MYO3B: variants seen among roughly 807,000 people sequenced by gnomAD.
MYO3B encodes the protein myosin-IIIb.
Under a neutral mutation model 174.6 loss-of-function variants are expected in MYO3B, and 156 were observed. The ratio of observed to expected loss-of-function variants is 0.89; its 90% confidence interval spans 0.78 to 1.02. MYO3B has a LOEUF of 1.02. Among genes scored for constraint, MYO3B ranks in the 50% least tolerant of loss-of-function variants. The pLI is 0.00. For synonymous variants in MYO3B, 563 were observed against 569.1 expected, an observed-to-expected ratio of 0.99 and a Z score of 0.15; for missense variants, 1,632 against 1,639.4, an observed-to-expected ratio of 1.00 and a Z score of 0.08.
intron 7 of MYO3B, among the ~76,000 whole-genome samples, chr2:170,259,785 C>A (rs114941621): frequency 6.6e-6 from 1 of 152,096 alleles, no homozygotes; most frequent in South Asian, 2.1e-4. Flanking sequence ...GGATAACTTA[C>A]AGAATGGGAG....
chr2:170,579,432 T>C (rs1692991218), intron 32 of MYO3B, among the ~76,000 whole-genome samples: 1 of 152,160 alleles, frequency 6.6e-6, no homozygotes, highest in Non-Finnish European at 1.5e-5. Context: ...CTTGTTAAAT[T>C]GAAATTCTGT....
At position 170,558,312 on chromosome 2, in the gene MYO3B, A is replaced by G. The variant is rs566348869; in HGVS notation, c.3733+14324A>G. Among the ~76,000 whole-genome samples, 18 of 152,154 alleles carry G rather than the reference A, an allele frequency of 1.2e-4. No individual in the cohort carries two copies. The South Asian group carries it at 3.5e-3, about 30-fold the overall frequency. ...AGTGAGACTCTGTCTCCAAAAAAAAAAAAATGCTTAAAACGAAAATGGACA... is the reference window on the plus strand; with the variant it reads ...AGTGAGACTCTGTCTCCAAAAAAAAGAAAATGCTTAAAACGAAAATGGACA... On this transcript the variant is annotated intron_variant, in intron 32 of 34. Transcript: ENST00000408978.
chr2:170,544,330 T>A (rs1459934767), intron 32 of MYO3B, among the ~76,000 whole-genome samples: 4 of 152,210 alleles, frequency 2.6e-5, no homozygotes, highest in Admixed American at 2.6e-4. Context: ...TAGGAGTTGA[T>A]AAAGAATATG....
intron 7 of MYO3B, among the ~76,000 whole-genome samples, chr2:170,322,016 AG>A (rs1452446522): frequency 6.7e-6 from 1 of 150,184 alleles, no homozygotes; most frequent in Admixed American, 6.7e-5. Context: ...CAGGAGGCTG[AG>A]GCAGGAGAAT....
At chr2:170,316,378 A>G (rs555321621) in intron 7 of MYO3B, among the ~76,000 whole-genome samples, 1 of 152,336 alleles carries the variant, frequency 6.6e-6, no homozygotes, top group Admixed American at 6.5e-5. Context: ...TTCCTCTTCC[A>G]AAGAATTTGT....
At chr2:170,180,186 G>A (rs573706816) in intron 1 of MYO3B, 2 of 444,226 alleles carry the variant, frequency 4.5e-6, no homozygotes, top group African/African-American at 4.0e-5. Context: ...AACAAGGTAA[G>A]GCTGTACCTC....
chr2:170,431,305 T>C (rs1452121206), intron 22 of MYO3B, among the ~76,000 whole-genome samples: 1 of 152,184 alleles, frequency 6.6e-6, no homozygotes, highest in African/African-American at 2.4e-5. Flanking sequence ...ACTGCCGACG[T>C]GGCAATAAAA....
intron 25 of MYO3B, among the ~76,000 whole-genome samples, chr2:170,467,815 CA>C (rs33945733): frequency 2.3e-3 from 250 of 110,340 alleles, no homozygotes; most frequent in Middle Eastern, 4.7e-3. Flanking sequence ...AAAGATAAGG[CA>C]AAAAAAAAAA....
chr2:170,536,530 T>C (rs1428231140), intron 30 of MYO3B, among the ~76,000 whole-genome samples: 1 of 152,234 alleles, frequency 6.6e-6, no homozygotes, highest in Non-Finnish European at 1.5e-5. Context: ...TTCCTTCTTG[T>C]TTCCCTTATT....
chr2:170,200,122 C>T (rs1437347561), intron 2 of MYO3B, 28 bp from the exon 3 acceptor site: 1 of 1,602,082 alleles, frequency 6.2e-7, no homozygotes, highest in Non-Finnish European at 8.5e-7. Context: ...TAGATTTAAT[C>T]CAGCTTGCAT....
intron 7 of MYO3B, among the ~76,000 whole-genome samples, chr2:170,279,770 T>C (rs968830293): frequency 2.6e-5 from 4 of 152,190 alleles, no homozygotes; most frequent in Non-Finnish European, 4.4e-5. Flanking sequence ...TCCAGCTCCA[T>C]CCATGTTCCT....
chr2:170,210,781 G>T (rs2092761176), intron 3 of MYO3B, among the ~76,000 whole-genome samples: 1 of 152,158 alleles, frequency 6.6e-6, no homozygotes, highest in Non-Finnish European at 1.5e-5. Context: ...AAAGTCACAT[G>T]AACTAAAACG....
At chr2:170,524,538 C>G in intron 30 of MYO3B, 1 of 445,486 alleles carries the variant, frequency 2.2e-6, no homozygotes, top group Non-Finnish European at 4.5e-6. Flanking sequence ...GGCTGGAGTG[C>G]AATAGCATGA....
At chr2:170,511,957 A>G (rs1372524348) in intron 28 of MYO3B, among the ~76,000 whole-genome samples, 1 of 152,206 alleles carries the variant, frequency 6.6e-6, no homozygotes, top group Non-Finnish European at 1.5e-5. Flanking sequence ...CGGTCCCTAG[A>G]TGATCAGAAG....
chr2:170,289,669 C>T (rs1462165237), intron 7 of MYO3B, among the ~76,000 whole-genome samples: 2 of 151,416 alleles, frequency 1.3e-5, no homozygotes, highest in African/African-American at 2.4e-5. Flanking sequence ...ATTTCCTTGA[C>T]GTTTTGTGGT....
At chr2:170,544,061 G>A in intron 32 of MYO3B, 73 bp downstream of exon 32, 1 of 1,223,564 alleles carries the variant, frequency 8.2e-7, no homozygotes, top group Non-Finnish European at 1.2e-6. Context: ...TGTGTTGTTT[G>A]GGCAGGACTC....
At chr2:170,400,650 C>CG in intron 17 of MYO3B, among the ~76,000 whole-genome samples, 1 of 91,588 alleles carries the variant, frequency 1.1e-5, no homozygotes, top group Non-Finnish European at 2.3e-5. Context: ...TGATCCACCC[C>CG]CCCCCCCTCG....
At chr2:170,440,241 T>A (rs2094789329) in intron 22 of MYO3B, among the ~76,000 whole-genome samples, 1 of 152,204 alleles carries the variant, frequency 6.6e-6, no homozygotes, top group African/African-American at 2.4e-5. Flanking sequence ...TTATTCTTTT[T>A]CTCACTGTTG....
intron 7 of MYO3B, among the ~76,000 whole-genome samples, chr2:170,250,851 CA>C (rs2093244768): frequency 6.6e-6 from 1 of 151,988 alleles, no homozygotes; most frequent in Non-Finnish European, 1.5e-5. Context: ...CCGACTCTCC[CA>C]CTGTCCCGAG....
Sources: gnomAD v4.1 joint callset for allele counts (sites outside exome capture counted in the v4.1 genomes callset) on GRCh38, gnomAD v4.1.1 for gene constraint, MANE v1.5 for transcripts, NCBI Gene and HGNC (gene_info 2026-07-23, HGNC 2026-07-21) for gene names.